Variants in PHLDB2 observed in about 807,000 individuals in gnomAD.
The protein encoded by PHLDB2 is pleckstrin homology like domain family B member 2.
In PHLDB2, 71 loss-of-function variants were observed where a neutral mutation model predicts 123.6. The ratio of observed to expected loss-of-function variants is 0.57; its 90% CI spans 0.47 to 0.70. The LOEUF is 0.70. Among genes scored for constraint, PHLDB2 ranks in the 30% least tolerant of loss-of-function variants. PHLDB2 has a pLI of 0.00. For synonymous variants in PHLDB2, 547 were observed against 541.6 expected, an observed-to-expected ratio of 1.01 and a Z score of -0.14; for missense variants, 1,446 against 1,519.5, an observed-to-expected ratio of 0.95 and a Z score of 0.80.
intron 1 of PHLDB2, among the ~76,000 whole-genome samples, chr3:111,760,366 T>A (rs1450136902): frequency 2.0e-5 from 3 of 152,158 alleles, no homozygotes; most frequent in Admixed American, 2.0e-4. Flanking sequence ...TGCATCTTTG[T>A]TGAGATAAAA....
intron 1 of PHLDB2, among the ~76,000 whole-genome samples, chr3:111,784,444 C>A (rs2060603297): frequency 6.6e-6 from 1 of 152,096 alleles, no homozygotes; most frequent in Non-Finnish European, 1.5e-5. Context: ...TTGCCTCATC[C>A]TTTTTTCCTG....
chr3:111,804,370 C>G (rs143497635), intron 1 of PHLDB2, among the ~76,000 whole-genome samples: 29 of 152,302 alleles, frequency 1.9e-4, no homozygotes, highest in African/African-American at 6.0e-4. Flanking sequence ...CATCTCTTAA[C>G]TATTAGAGGT....
At chr3:111,862,955 A>G (rs888200552) in intron 1 of PHLDB2, among the ~76,000 whole-genome samples, 2 of 152,210 alleles carry the variant, frequency 1.3e-5, no homozygotes, top group African/African-American at 2.4e-5. Flanking sequence ...AGTTCTAGGT[A>G]CAACCCAGGA....
intron 1 of PHLDB2, among the ~76,000 whole-genome samples, chr3:111,792,983 A>T (rs2060991303): frequency 6.6e-6 from 1 of 152,216 alleles, no homozygotes; most frequent in Non-Finnish European, 1.5e-5. Flanking sequence ...ACACTGATTC[A>T]GACCCAAAGC....
chr3:111,757,904 T>A (rs573360851), intron 1 of PHLDB2, among the ~76,000 whole-genome samples: 1 of 152,330 alleles, frequency 6.6e-6, no homozygotes, highest in Non-Finnish European at 1.5e-5. Context: ...CAGCGGTGGC[T>A]GCAGAAGAGT....
intron 2 of PHLDB2, among the ~76,000 whole-genome samples, chr3:111,902,792 C>T (rs1009061222): frequency 2.0e-5 from 3 of 152,128 alleles, no homozygotes; most frequent in African/African-American, 7.2e-5. Context: ...GCGTGAGCCA[C>T]CATGCTCAGC....
intron 13 of PHLDB2, among the ~76,000 whole-genome samples, chr3:111,965,225 G>GT (rs1252367219): frequency 6.6e-6 from 1 of 152,192 alleles, no homozygotes; most frequent in Non-Finnish European, 1.5e-5. Context: ...ATACTGCCAT[G>GT]TTCTTCTCTT....
At chr3:111,738,902 A>G (rs952949792) in intron 1 of PHLDB2, among the ~76,000 whole-genome samples, 14 of 152,108 alleles carry the variant, frequency 9.2e-5, no homozygotes, top group African/African-American at 2.2e-4. Context: ...CCAACCCCCA[A>G]CTGAATGGTA....
intron 1 of PHLDB2, among the ~76,000 whole-genome samples, chr3:111,812,392 A>G (rs2061881377): frequency 6.6e-6 from 1 of 152,240 alleles, no homozygotes; most frequent in South Asian, 2.1e-4. Flanking sequence ...GGGGAAATGG[A>G]GAGGACAGTA....
At chr3:111,845,354 C>CAAAAAAA (rs745585464) in intron 1 of PHLDB2, among the ~76,000 whole-genome samples, 5 of 39,162 alleles carry the variant, frequency 1.3e-4, no homozygotes, top group African/African-American at 2.4e-4. Flanking sequence ...GACTCTGTCT[C>CAAAAAAA]AAAAAAAAAA....
intron 1 of PHLDB2, among the ~76,000 whole-genome samples, chr3:111,788,593 T>C (rs1018198290): frequency 1.3e-5 from 2 of 152,234 alleles, no homozygotes; most frequent in Non-Finnish European, 2.9e-5. Context: ...CCTAAGATGA[T>C]GCAGTAAGAT....
intron 1 of PHLDB2, among the ~76,000 whole-genome samples, chr3:111,783,256 C>T (rs2060550474): frequency 6.6e-6 from 1 of 152,060 alleles, no homozygotes; most frequent in Non-Finnish European, 1.5e-5. Context: ...GGGGCAATAG[C>T]AGAAGAGCCA....
intron 1 of PHLDB2, chr3:111,859,987 G>A: frequency 3.6e-6 from 3 of 823,550 alleles, no homozygotes; most frequent in Non-Finnish European, 4.4e-6. Context: ...GGTGGGTGGG[G>A]GTGGCGAACC....
chr3:111,902,850 G>A (rs1032984107), intron 2 of PHLDB2, among the ~76,000 whole-genome samples: 2 of 152,124 alleles, frequency 1.3e-5, no homozygotes, highest in African/African-American at 4.8e-5. Context: ...TGTTGCCCAG[G>A]CTAGTCTCTA....
intron 2 of PHLDB2, among the ~76,000 whole-genome samples, chr3:111,908,639 G>A (rs553719590): frequency 6.6e-6 from 1 of 152,284 alleles, no homozygotes; most frequent in Non-Finnish European, 1.5e-5. Flanking sequence ...GTACAAGTCT[G>A]AGGGCCATAT....
At chr3:111,781,235 A>G (rs886793464) in intron 1 of PHLDB2, among the ~76,000 whole-genome samples, 1 of 152,108 alleles carries the variant, frequency 6.6e-6, no homozygotes, top group African/African-American at 2.4e-5. Context: ...TCTATTGACC[A>G]TAGTGACTAT....
Position 111,940,561 on chromosome 3 carries a change from A to G in PHLDB2, c.2313A>G (p.Gln771=). Residue 771 remains glutamine, a synonymous_variant, in exon 8 of 18, where the codon CAA becomes CAG. Coordinates refer to ENST00000431670, the MANE Select transcript of PHLDB2 (RefSeq NM_001134438.2). ...AAAAAATTTCTGCATTGAAAAAGCAAGCCAATCACATTGTTCAGCAGGCTC... is the reference window on the plus strand; with the variant it reads ...AAAAAATTTCTGCATTGAAAAAGCAGGCCAATCACATTGTTCAGCAGGCTC... ...RKEKISALKK[Q]ANHIVQQAQR... is the part of the protein sequence containing the mutation. 6.2e-7 allele frequency: 1 copy of G among 1,601,514 alleles called. No homozygotes were observed. Among genetic ancestry groups the G allele is most frequent in the Non-Finnish European group, 8.5e-7 (1 of 1,174,736 alleles).
intron 1 of PHLDB2, among the ~76,000 whole-genome samples, chr3:111,866,368 A>T (rs1345767993): frequency 6.6e-6 from 1 of 152,064 alleles, no homozygotes; most frequent in African/African-American, 2.4e-5. Context: ...AACATGGAAG[A>T]TGTGGTTGAC....
intron 1 of PHLDB2, among the ~76,000 whole-genome samples, chr3:111,817,451 C>T (rs2062139046): frequency 2.6e-5 from 4 of 152,200 alleles, no homozygotes; most frequent in Admixed American, 2.6e-4. Flanking sequence ...AGGATTGGCA[C>T]AGTGCTGGTC....
Sources: gnomAD v4.1 joint callset for allele counts (sites outside exome capture counted in the v4.1 genomes callset) on GRCh38, gnomAD v4.1.1 for gene constraint, MANE v1.5 for transcripts, NCBI Gene and HGNC (gene_info 2026-07-23, HGNC 2026-07-21) for gene names.